The following ASIC4 variants were observed in gnomAD, a reference collection of about 807,000 sequenced individuals.
The protein encoded by ASIC4 is acid-sensing ion channel 4.
Under a neutral mutation model 53.4 loss-of-function variants are expected in ASIC4, and 28 were observed. The observed-to-expected ratio is 0.52, with a 90% CI of 0.39 to 0.72. The LOEUF is 0.72. ASIC4 is among the 30% of genes least tolerant of loss of function. ASIC4 has a pLI of 0.00. For missense variants in ASIC4, 649 were observed against 729.7 expected (o/e 0.89, Z 1.27); for synonymous variants, 289 against 301.4 (o/e 0.96, Z 0.43).
intron 6 of ASIC4, among the ~76,000 whole-genome samples, chr2:219,535,772 C>CTTTTTTTTTT (rs869106424): frequency 7.8e-6 from 1 of 128,712 alleles, no homozygotes; most frequent in Non-Finnish European, 1.6e-5. Flanking sequence ...TCTTCTCCTT[C>CTTTTTTTTTT]TTTTTTTTTT....
chr2:219,536,967 G>C lies in ASIC4; in HGVS notation c.1230-99G>C. Reference sequence around the variant, plus strand: ...GGGGGGTAGTCACTGACTTCCCCATGTAGTGATCTCTGATCAGGATCTGCT... The same window carrying C: ...GGGGGGTAGTCACTGACTTCCCCATCTAGTGATCTCTGATCAGGATCTGCT... On this transcript the variant is annotated intron_variant, in intron 6 of 9. Coordinates refer to ENST00000358078, the MANE Select transcript of ASIC4 (RefSeq NM_018674.6). This position sits in a 1 kb window ranked among gnomAD's most constrained non-coding sequence, Gnocchi z 4.6. The C allele has an allele frequency of 9.4e-7, 1 of 1,058,962 alleles. No homozygotes were observed. The highest frequency in any genetic ancestry group is 1.4e-6 in the Non-Finnish European group (1 of 704,252). 65.6% of individuals were successfully genotyped at this position (1,058,962 alleles called of 1,614,324 possible).
chr2:219,532,486 C>G lies in ASIC4; in HGVS notation c.1018+9C>G. On this transcript the variant is annotated intron_variant, in intron 4 of 9. Coordinates refer to ENST00000358078, the MANE Select transcript of ASIC4 (RefSeq NM_018674.6). ...GATGGTGCACATGCCAGGTGGGCAC[C>G]CCACCCCCAGCCAGCCCTCCATGCC... 6.2e-7 allele frequency: 1 copy of G among 1,603,158 alleles called. No homozygotes were observed. Among genetic ancestry groups the G allele is most frequent in the Non-Finnish European group, 8.5e-7 (1 of 1,172,922 alleles).
At chr2:219,530,295 G>A (rs1466215465) in intron 1 of ASIC4, among the ~76,000 whole-genome samples, 1 of 152,270 alleles carries the variant, frequency 6.6e-6, no homozygotes, top group Non-Finnish European at 1.5e-5. Context: ...AGCTCCTGGT[G>A]GCAGCTAAAT....
At chr2:219,515,899 A>G (rs997973588) in intron 1 of ASIC4, among the ~76,000 whole-genome samples, 18 of 151,844 alleles carry the variant, frequency 1.2e-4, no homozygotes, top group Admixed American at 1.1e-3. Context: ...AGACTCCCTC[A>G]CACATCCCTC....
rs1695052419 is a variant in ASIC4, at chr2:219,532,131, G to A, written c.855+3G>A. ...TTGTGTCCTGCCAGGAACAGCGGGT[G>A]AGCATCTCCTGCTAGGCCCTGGATT... On this transcript the variant is annotated splice_donor_region_variant and intron_variant, in intron 3 of 9. Coordinates refer to ENST00000358078, the MANE Select transcript of ASIC4 (RefSeq NM_018674.6). The A allele has an allele frequency of 6.2e-7, 1 of 1,614,006 alleles. No individual in the cohort carries two copies. The highest frequency in any genetic ancestry group is 8.5e-7 in the Non-Finnish European group (1 of 1,180,030).
rs1338878256 is a variant in ASIC4 at position 219,537,552 on chromosome 2, C to T, written c.1402-80C>T. On this transcript the variant is annotated intron_variant, in intron 8 of 9. Transcript: ENST00000358078. This position sits in a 1 kb window ranked among gnomAD's most constrained non-coding sequence, Gnocchi z 4.9. ...TTGCTGTGGCAGTAAGTCCTGTGGGCAGCTGGGCATGGTAAGGCTCACGCT... is the reference window on the plus strand; with the variant it reads ...TTGCTGTGGCAGTAAGTCCTGTGGGTAGCTGGGCATGGTAAGGCTCACGCT... 1.6e-6 allele frequency: 2 copies of T among 1,286,244 alleles called. No individual in the cohort carries two copies. Among genetic ancestry groups the T allele is most frequent in the Admixed American group, 4.1e-5 (2 of 48,496 alleles). The allele number at this position is 1,286,244 out of a possible 1,614,324, so 79.7% of individuals were successfully genotyped here.
At chr2:219,514,447 C>T (rs1199643965), upstream of ASIC4, 7 of 1,549,942 alleles carry the variant, frequency 4.5e-6, no homozygotes, top group Non-Finnish European at 6.1e-6. Context: ...GACAGCTGTG[C>T]TGGTGCTGAT....
In ASIC4 at chr2:219,514,913, C is replaced by T. The variant is rs542325849; in HGVS notation, c.189C>T (p.His63=). 9.9e-6 allele frequency: 16 copies of T among 1,613,008 alleles called. No homozygotes were observed. Among genetic ancestry groups the T allele is most frequent in the African/African-American group, 5.3e-5 (4 of 75,008 alleles). ...GLGRACGPGP[H]GLRRTLWALA... ...GCCGGGCCTGTGGCCCAGGCCCCCACGGACTGCGCAGAACCCTGTGGGCAC... is the reference window on the plus strand; with the variant it reads ...GCCGGGCCTGTGGCCCAGGCCCCCATGGACTGCGCAGAACCCTGTGGGCAC... Residue 63 remains histidine (H), a synonymous_variant, in exon 1 of 10, where the codon CAC becomes CAT. Coordinates refer to ENST00000358078, the MANE Select transcript of ASIC4 (RefSeq NM_018674.6).
upstream of ASIC4, among the ~76,000 whole-genome samples, chr2:219,511,535 A>G (rs1226495894): frequency 6.6e-6 from 1 of 152,146 alleles, no homozygotes; most frequent in Non-Finnish European, 1.5e-5. This position sits in a 1 kb window ranked among gnomAD's most constrained non-coding sequence, Gnocchi z 5.3. Context: ...GGACAACCAG[A>G]GAGCAAAGGA....
chr2:219,537,721 G>A lies in ASIC4; in HGVS notation c.1491G>A (p.Gln497=). 1.2e-6 allele frequency: 2 copies of A among 1,613,690 alleles called. No homozygotes were observed. The highest frequency in any genetic ancestry group is 1.7e-6 in the Non-Finnish European group (2 of 1,179,788). ...STGGISTLGL[Q]ELKEQSPCPS... ...GGGGCATCTCCACTTTGGGGCTTCA[G>A]GAGCTGAAGGAACAGGTGAGGACAA... The change falls in exon 9 of 10, where the codon CAG becomes CAA. Residue 497 remains glutamine (Q), a synonymous_variant. Transcript: ENST00000358078. This position sits in a 1 kb window ranked among gnomAD's most constrained non-coding sequence, Gnocchi z 4.9.
At chr2:219,527,754 A>G (rs1249877638) in intron 1 of ASIC4, among the ~76,000 whole-genome samples, 1 of 152,252 alleles carries the variant, frequency 6.6e-6, no homozygotes, top group African/African-American at 2.4e-5. Flanking sequence ...TTGGAGACTC[A>G]AAGGAGAAAA....
chr2:219,510,491 C>T (rs1002585380), upstream of ASIC4, among the ~76,000 whole-genome samples: 30 of 152,224 alleles, frequency 2.0e-4, no homozygotes, highest in Non-Finnish European at 1.5e-5. This position sits in a 1 kb window ranked among gnomAD's most constrained non-coding sequence, Gnocchi z 5.2. Flanking sequence ...ATGGCTGCGT[C>T]CATCCCAGCC....
At chr2:219,515,447 C>A in intron 1 of ASIC4, 141 bp downstream of exon 1, 1 of 1,212,688 alleles carries the variant, frequency 8.2e-7, no homozygotes, top group Non-Finnish European at 1.1e-6. Flanking sequence ...CGTGTTTCCC[C>A]AAGCCTGGCG....
intron 5 of ASIC4, chr2:219,533,883 G>C (rs1446660612): frequency 6.6e-6 from 1 of 152,192 alleles, no homozygotes; most frequent in Non-Finnish European, 1.5e-5. Context: ...AAATAAAAAA[G>C]TGAACTGGGT....
At chr2:219,513,436 G>C (rs1272736077), upstream of ASIC4, among the ~76,000 whole-genome samples, 1 of 151,054 alleles carries the variant, frequency 6.6e-6, no homozygotes, top group Non-Finnish European at 1.5e-5. Context: ...GAACACAGCA[G>C]ACCCCTTAGG....
Position 219,537,077 on chromosome 2 carries a change from T to C in ASIC4, c.1241T>C (p.Leu414Pro). 6.2e-7 allele frequency: 1 copy of C among 1,614,046 alleles called. No individual in the cohort carries two copies. Among genetic ancestry groups the C allele is most frequent in the Non-Finnish European group, 8.5e-7 (1 of 1,179,958 alleles). ...TCCTGTCTCCACAGGGAGAACTTCCTGGTCCTAGATGTCTTCTTTGAGGCC... is the reference window on the plus strand; with the variant it reads ...TCCTGTCTCCACAGGGAGAACTTCCCGGTCCTAGATGTCTTCTTTGAGGCC... Reference protein sequence around the residue: ...RNETYIRENFLVLDVFFEALT... With the variant: ...RNETYIRENFPVLDVFFEALT... Residue 414 changes from leucine (L) to proline (P), a missense_variant, in exon 7 of 10, where the codon CTG becomes CCG. Transcript: ENST00000358078. This position sits in a 1 kb window ranked among gnomAD's most constrained non-coding sequence, Gnocchi z 4.9.
rs926076084 is a variant in ASIC4 at position 219,518,336 on chromosome 2, G to A, written c.582+3030G>A. Among the ~76,000 whole-genome samples, 38 of 152,292 alleles carry A rather than the reference G, an allele frequency of 2.5e-4. No homozygotes were observed. The highest frequency in any genetic ancestry group is 8.7e-4 in the African/African-American group (36 of 41,550). ...AGACGAGGTGCATGGGTAGTAAGAG[G>A]TCGAGTTCAGAGAAGGAGAGGCCAT... is the stretch of plus-strand genomic sequence containing the variant. On this transcript the variant is annotated intron_variant, in intron 1 of 9. Transcript: ENST00000358078. The surrounding 1 kb of genome is among the most constrained non-coding windows in gnomAD (Gnocchi z 4.8).
chr2:219,508,423 G>A, the ASIC4 span, among the ~76,000 whole-genome samples: 2 of 152,276 alleles, frequency 1.3e-5, no homozygotes, highest in South Asian at 4.2e-4. Context: ...GGACATGGTG[G>A]GGAGAGGCAG....
At chr2:219,522,497 C>T (rs1553521731) in intron 1 of ASIC4, among the ~76,000 whole-genome samples, 1 of 152,044 alleles carries the variant, frequency 6.6e-6, no homozygotes, top group Non-Finnish European at 1.5e-5. Context: ...GGAAACGGGA[C>T]GTTGGGGAGC....
Sources: allele counts gnomAD v4.1 joint callset (sites outside exome capture counted in the v4.1 genomes callset), GRCh38; gene constraint gnomAD v4.1.1; non-coding constraint Gnocchi (gnomAD v3.1); transcripts MANE v1.5; gene names NCBI Gene and HGNC (gene_info 2026-07-23, HGNC 2026-07-21).